GLCE: variants seen among roughly 807,000 people sequenced by gnomAD.
GLCE encodes the protein glucuronic acid epimerase.
GLCE carries 19 observed loss-of-function variants against 47.9 expected under a neutral mutation model. The observed-to-expected ratio is 0.40, with a 90% confidence interval of 0.28 to 0.58. The LOEUF (loss-of-function observed/expected upper bound fraction) is 0.58, where lower values mean the gene tolerates loss of function less well. Ranked by LOEUF, GLCE falls within the 20% of genes least tolerant of loss-of-function variation. The pLI, the probability that GLCE is intolerant of heterozygous loss-of-function variation, is 0.48. For missense variants in GLCE, 556 were observed against 743.3 expected (o/e 0.75, Z 2.93); for synonymous variants, 245 against 263.4 (o/e 0.93, Z 0.68).
At chr15:69,176,462 G>T (rs2051666975) in intron 1 of GLCE, among the ~76,000 whole-genome samples, 1 of 151,876 alleles carries the variant, frequency 6.6e-6, no homozygotes, top group South Asian at 2.1e-4. Context: ...GACCTCAGAT[G>T]ATCTGCCCAC....
chr15:69,185,637 C>T (rs1183462558), intron 1 of GLCE, among the ~76,000 whole-genome samples: 4 of 151,998 alleles, frequency 2.6e-5, no homozygotes, highest in Middle Eastern at 6.8e-3. Flanking sequence ...ACTCTCAAAC[C>T]GTGTTTTTTT....
chr15:69,259,392 T>C (rs537270222), intron 3 of GLCE, among the ~76,000 whole-genome samples: 1 of 152,274 alleles, frequency 6.6e-6, no homozygotes, highest in South Asian at 2.1e-4. Context: ...GTACCTCTTC[T>C]TTTTATGCTT....
chr15:69,249,880 A>C (rs1203334391), intron 2 of GLCE, among the ~76,000 whole-genome samples: 1 of 152,042 alleles, frequency 6.6e-6, no homozygotes, highest in Non-Finnish European at 1.5e-5. Context: ...TCCAAAAAAA[A>C]CCCTAAGAGT....
intron 1 of GLCE, among the ~76,000 whole-genome samples, chr15:69,207,316 A>G (rs927226944): frequency 6.6e-6 from 1 of 152,054 alleles, no homozygotes; most frequent in African/African-American, 2.4e-5. Flanking sequence ...GTGGGTTTTG[A>G]CAAATGCATA....
At chr15:69,263,928 A>G (rs2053048296) in intron 4 of GLCE, among the ~76,000 whole-genome samples, 1 of 152,092 alleles carries the variant, frequency 6.6e-6, no homozygotes, top group African/African-American at 2.4e-5. Flanking sequence ...GCTTTGATAT[A>G]CATATATGTT....
intron 1 of GLCE, among the ~76,000 whole-genome samples, chr15:69,162,750 T>G (rs1307406965): frequency 6.6e-6 from 1 of 152,174 alleles, no homozygotes; most frequent in Non-Finnish European, 1.5e-5. Context: ...TTTTATTTAT[T>G]TATTTATTCA....
chr15:69,167,971 A>G (rs544427564), intron 1 of GLCE, among the ~76,000 whole-genome samples: 42 of 152,162 alleles, frequency 2.8e-4, no homozygotes, highest in African/African-American at 1.0e-3. Context: ...TCAGGTCTTA[A>G]TTAAAGTATT....
At chr15:69,197,636 T>G (rs1009656487) in intron 1 of GLCE, among the ~76,000 whole-genome samples, 1 of 152,092 alleles carries the variant, frequency 6.6e-6, no homozygotes, top group Non-Finnish European at 1.5e-5. Context: ...GGAGAATCGA[T>G]TGTTGTGTTT....
At chr15:69,264,364 G>T (rs1048954167) in intron 4 of GLCE, among the ~76,000 whole-genome samples, 1 of 151,818 alleles carries the variant, frequency 6.6e-6, no homozygotes, top group Non-Finnish European at 1.5e-5. Context: ...CTATAGGTAT[G>T]TGTGTGTGTA....
chr15:69,207,788 A>C (rs940511373), intron 1 of GLCE, among the ~76,000 whole-genome samples: 1 of 152,060 alleles, frequency 6.6e-6, no homozygotes, highest in South Asian at 2.1e-4. Flanking sequence ...GTGTCATATG[A>C]TAAATGTATA....
In GLCE at chr15:69,189,422, C is replaced by T. The variant is rs138223949; in HGVS notation, c.-104-20894C>T. ...CATATTCCATTGTCTGGATGTGCCA[C>T]GGTTTATTTATCCATTCACCTACTG... On this transcript the variant is annotated intron_variant, in intron 1 of 4. Coordinates refer to ENST00000261858, the MANE Select transcript of GLCE (RefSeq NM_015554.3). 3.5e-3 allele frequency among the ~76,000 whole-genome samples: 538 copies of T among 152,314 alleles called. 2 individuals carry two copies. The highest frequency in any genetic ancestry group is 0.01 in the Middle Eastern group (3 of 294).
intron 4 of GLCE, among the ~76,000 whole-genome samples, chr15:69,262,067 C>G (rs2053023082): frequency 6.6e-6 from 1 of 152,134 alleles, no homozygotes; most frequent in Non-Finnish European, 1.5e-5. Context: ...TGTTCCCCCT[C>G]CCACCAGTCT....
intron 1 of GLCE, among the ~76,000 whole-genome samples, chr15:69,198,294 A>G (rs2052026919): frequency 6.6e-6 from 1 of 152,178 alleles, no homozygotes. Context: ...TCATTGCTAC[A>G]TGCCTATATT....
chr15:69,234,335 C>T (rs2052566895), intron 2 of GLCE, among the ~76,000 whole-genome samples: 1 of 151,994 alleles, frequency 6.6e-6, no homozygotes, highest in South Asian at 2.1e-4. Flanking sequence ...CCACCGTTCA[C>T]ACAGCTGAGG....
rs186831809 is a variant in GLCE, at chr15:69,252,260, A to T, written c.-13-3534A>T. On this transcript the variant is annotated intron_variant, in intron 2 of 4. Transcript: ENST00000261858. The stretch of plus-strand genomic sequence containing the variant: ...ACCTGAGACTGGGTAATTTATTTTT[A>T]AAAAAAAAGAGGCTTAAAATTGGCT... Among the ~76,000 whole-genome samples, 478 of 149,854 alleles carry T rather than the reference A, an allele frequency of 3.2e-3. 2 individuals carry two copies. The highest frequency in any genetic ancestry group is 7.3e-3 in the African/African-American group (299 of 41,236).
Position 69,269,284 on chromosome 15 carries a change from C to G in GLCE, c.*40C>G. 6.7e-7 allele frequency: 1 copy of G among 1,495,082 alleles called. No individual in the cohort carries two copies. Among genetic ancestry groups the G allele is most frequent in the Non-Finnish European group, 9.3e-7 (1 of 1,078,632 alleles). 92.6% of individuals were successfully genotyped at this position (1,495,082 alleles called of 1,614,324 possible). On this transcript the variant is annotated 3_prime_UTR_variant, in exon 5 of 5. Transcript: ENST00000261858. ...ACTGCACTTCAGCCTCTGCTGTACA[C>G]AGAAACTACAGGCTCTGTCTCAGGA... is the stretch of plus-strand genomic sequence containing the variant.
intron 2 of GLCE, among the ~76,000 whole-genome samples, chr15:69,227,836 G>A (rs1345184940): frequency 6.6e-6 from 1 of 152,072 alleles, no homozygotes; most frequent in Non-Finnish European, 1.5e-5. Context: ...AGAAAATTCC[G>A]CTTTTATTTT....
chr15:69,165,296 T>C (rs2051485856), intron 1 of GLCE, among the ~76,000 whole-genome samples: 1 of 152,140 alleles, frequency 6.6e-6, no homozygotes, highest in Non-Finnish European at 1.5e-5. Context: ...TTACAAGGCC[T>C]TTCATCATCT....
chr15:69,225,900 A>T (rs2052439308), intron 2 of GLCE, among the ~76,000 whole-genome samples: 1 of 152,210 alleles, frequency 6.6e-6, no homozygotes, highest in Non-Finnish European at 1.5e-5. Context: ...CCCAGAAAAA[A>T]ACAGCTAAAA....
Sources: gnomAD v4.1 joint callset for allele counts (sites outside exome capture counted in the v4.1 genomes callset) on GRCh38, gnomAD v4.1.1 for gene constraint, MANE v1.5 for transcripts, NCBI Gene and HGNC (gene_info 2026-07-23, HGNC 2026-07-21) for gene names.